PALLD: variants seen among roughly 807,000 people sequenced by gnomAD.
PALLD encodes palladin, cytoskeletal associated protein, also known as palladin.
Under a neutral mutation model 123.5 loss-of-function variants are expected in PALLD, and 61 were observed. The observed-to-expected ratio is 0.49, with a 90% CI of 0.40 to 0.61. PALLD has a LOEUF of 0.61. Among genes scored for constraint, PALLD ranks in the 20% least tolerant of loss-of-function variants. The pLI is 0.00. For missense variants in PALLD, 1,273 were observed against 1,377.0 expected (o/e 0.92, Z 1.20); for synonymous variants, 465 against 496.4 (o/e 0.94, Z 0.84).
In PALLD at chr4:168,749,515, T is replaced by C. The variant is rs190976279; in HGVS notation, c.1964+37592T>C. ...TAAGGCCAGAAGTTCGAGACTAGCC[T>C]GGCCAACATGGCAAAACCCCATCTC... On this transcript the variant is annotated intron_variant, in intron 10 of 21. Transcript: ENST00000505667. 7.9e-5 allele frequency among the ~76,000 whole-genome samples: 12 copies of C among 152,238 alleles called. No individual in the cohort carries two copies. The East Asian group carries it at 2.1e-3, about 27-fold the overall frequency.
chr4:168,514,006 T>C (rs574584749), intron 2 of PALLD, among the ~76,000 whole-genome samples: 4 of 152,156 alleles, frequency 2.6e-5, no homozygotes, highest in Admixed American at 2.0e-4. Context: ...CTCAAGAGGC[T>C]GAGGCACAAG....
intron 2 of PALLD, among the ~76,000 whole-genome samples, chr4:168,639,199 C>T (rs72982793): frequency 0.016 from 2,383 of 152,276 alleles, 69 homozygotes; most frequent in South Asian, 0.11. Flanking sequence ...TGTGAATTTT[C>T]AAAACTGTGA....
chr4:168,823,773 A>G (rs372935030), intron 10 of PALLD, among the ~76,000 whole-genome samples: 27 of 152,242 alleles, frequency 1.8e-4, no homozygotes, highest in African/African-American at 5.5e-4. Context: ...CTGCTTATGT[A>G]GGGGCCTTCG....
chr4:168,595,653 CA>C (rs1178673676), intron 2 of PALLD, among the ~76,000 whole-genome samples: 1 of 152,086 alleles, frequency 6.6e-6, no homozygotes, highest in African/African-American at 2.4e-5. Flanking sequence ...ACAGTGTCTA[CA>C]AATTGCTGTG....
At chr4:168,835,453 C>A (rs961062841) in intron 10 of PALLD, among the ~76,000 whole-genome samples, 1 of 152,102 alleles carries the variant, frequency 6.6e-6, no homozygotes, top group African/African-American at 2.4e-5. Flanking sequence ...AAATGGAACT[C>A]GACCAGATTT....
At chr4:168,904,489 TG>T (rs1553973607) in intron 15 of PALLD, among the ~76,000 whole-genome samples, 2 of 152,224 alleles carry the variant, frequency 1.3e-5, no homozygotes, top group Non-Finnish European at 2.9e-5. Context: ...AATAGGAGGC[TG>T]CTGGGTATCA....
At chr4:168,520,687 T>C (rs1384577320) in intron 2 of PALLD, among the ~76,000 whole-genome samples, 3 of 152,204 alleles carry the variant, frequency 2.0e-5, no homozygotes, top group Non-Finnish European at 2.9e-5. Flanking sequence ...TTGCATGGAA[T>C]TCTTGTTTAA....
intron 2 of PALLD, among the ~76,000 whole-genome samples, chr4:168,556,695 C>T (rs1295452531): frequency 6.6e-6 from 1 of 152,132 alleles, no homozygotes; most frequent in Non-Finnish European, 1.5e-5. Flanking sequence ...TACTATCAGT[C>T]TTAACATCTT....
chr4:168,712,237 G>A, intron 10 of PALLD: 3 of 459,942 alleles, frequency 6.5e-6, no homozygotes, highest in African/African-American at 1.9e-5. Flanking sequence ...GGAAAAGGGG[G>A]ATCTACTTTC....
At chr4:168,690,892 G>C in intron 7 of PALLD, 148 bp downstream of exon 7, 5 of 879,866 alleles carry the variant, frequency 5.7e-6, no homozygotes, top group Non-Finnish European at 7.5e-6. Flanking sequence ...TTGAAATCCA[G>C]TAAATGGAAA....
At position 168,573,259 on chromosome 4, in the gene PALLD, G is replaced by A. The variant is rs113486393; in HGVS notation, c.908+60847G>A. Among the ~76,000 whole-genome samples, 17 of 151,876 alleles carry A rather than the reference G, an allele frequency of 1.1e-4. 1 individual carries two copies. Among genetic ancestry groups the A allele is most frequent in the South Asian group, 4.2e-4 (2 of 4,814 alleles). ...AGGAAGCCCTGCTCTGAACACTCCC[G>A]CCAAAGGATCCCTCCCCTACCCCAT... On this transcript the variant is annotated intron_variant, in intron 2 of 21. Coordinates refer to ENST00000505667, the MANE Select transcript of PALLD (RefSeq NM_001166108.2).
At chr4:168,565,706 T>C (rs1050597225) in intron 2 of PALLD, among the ~76,000 whole-genome samples, 1 of 152,152 alleles carries the variant, frequency 6.6e-6, no homozygotes, top group African/African-American at 2.4e-5. Context: ...CTTCATGGTA[T>C]TACTAGTTTA....
chr4:168,605,367 A>G (rs1261390744), intron 2 of PALLD, among the ~76,000 whole-genome samples: 1 of 152,172 alleles, frequency 6.6e-6, no homozygotes, highest in East Asian at 1.9e-4. Flanking sequence ...ATAAAGTCAA[A>G]AGCCTCCAAA....
intron 2 of PALLD, among the ~76,000 whole-genome samples, chr4:168,536,229 T>A (rs976845101): frequency 4.6e-5 from 7 of 152,154 alleles, no homozygotes; most frequent in Non-Finnish European, 7.4e-5. Context: ...CCCAAATAGA[T>A]TCCTGTTGCC....
intron 2 of PALLD, among the ~76,000 whole-genome samples, chr4:168,608,541 T>C (rs1420343396): frequency 6.6e-6 from 1 of 152,200 alleles, no homozygotes; most frequent in Non-Finnish European, 1.5e-5. Context: ...AGAAGAGGAA[T>C]TACTACATCA....
At position 168,894,588 on chromosome 4, in the gene PALLD, T is replaced by C; in HGVS notation, c.2110T>C (p.Tyr704His). 5 of 1,611,440 alleles carry C rather than the reference T, an allele frequency of 3.1e-6. No homozygotes were observed. The highest frequency in any genetic ancestry group is 4.2e-6 in the Non-Finnish European group (5 of 1,177,698). ...LLNNGQPRLT[Y>H]EERMARRLLG... ...GACTTACGTTGTTTAGAGGTTAACATACGAAGAAAGAATGGCTCGTCGACT... is the reference window on the plus strand; with the variant it reads ...GACTTACGTTGTTTAGAGGTTAACACACGAAGAAAGAATGGCTCGTCGACT... The change falls in exon 12 of 22, where the codon TAC becomes CAC. Residue 704 changes from tyrosine (Y) to histidine (H), a missense_variant. Around this residue, in one of 2 missense-constraint regions of PALLD, gnomAD observed 944 missense variants for 954.5 expected, o/e 0.99. Transcript: ENST00000505667.
At chr4:168,590,614 T>C (rs1215056361) in intron 2 of PALLD, among the ~76,000 whole-genome samples, 1 of 152,196 alleles carries the variant, frequency 6.6e-6, no homozygotes, top group Non-Finnish European at 1.5e-5. Context: ...GTTTTGAATT[T>C]TGTTTTTCCA....
chr4:168,837,655 A>G (rs1297512402), intron 10 of PALLD, among the ~76,000 whole-genome samples: 1 of 152,242 alleles, frequency 6.6e-6, no homozygotes, highest in Non-Finnish European at 1.5e-5. Flanking sequence ...GAGTACTATC[A>G]GCACTCCCAT....
rs1318877339 is a variant in PALLD, at chr4:168,878,066, A to C, written c.1965-12856A>C. 6.8e-7 allele frequency: 1 copy of C among 1,469,762 alleles called. No individual in the cohort carries two copies. The highest frequency in any genetic ancestry group is 1.5e-5 in the African/African-American group (1 of 67,842). 91.0% of individuals were successfully genotyped at this position (1,469,762 alleles called of 1,614,324 possible). A position where few individuals can be genotyped will look rare whatever the true frequency, so the allele number is the denominator to read the frequency against. ...CCCGTCGCCCATGTCCCCGACGCCG[A>C]GGCAGTTCGGCCGCGCCCCCGTGCC... On this transcript the variant is annotated intron_variant, in intron 10 of 21. Transcript: ENST00000505667.
Sources: gnomAD v4.1 joint callset for allele counts (sites outside exome capture counted in the v4.1 genomes callset) on GRCh38, gnomAD v4.1.1 for gene constraint, gnomAD v4.1.1 regional missense constraint, MANE v1.5 for transcripts, NCBI Gene and HGNC (gene_info 2026-07-23, HGNC 2026-07-21) for gene names.